ZFHX3: variants seen among roughly 807,000 people sequenced by gnomAD.
ZFHX3 encodes the protein zinc finger homeobox 3, also known as zinc finger homeobox protein 3.
In ZFHX3, 42 loss-of-function variants were observed where a neutral mutation model predicts 279.1. The observed-to-expected ratio is 0.15, with a 90% CI of 0.12 to 0.19. The LOEUF is 0.19. Ranked by LOEUF, ZFHX3 falls within the 10% of genes least tolerant of loss-of-function variation. The probability of loss-of-function intolerance (pLI) is 1.00; values close to 1 mark genes in which losing one functional copy is unlikely to be tolerated. For synonymous variants in ZFHX3, 2,293 were observed against 1,957.8 expected (o/e 1.17, Z -4.52); for missense variants, 4,981 against 4,754.0 (o/e 1.05, Z -1.40).
chr16:73,282,112 G>C (rs1358180040), intron 4 of ZFHX3, among the ~76,000 whole-genome samples: 2 of 152,168 alleles, frequency 1.3e-5, no homozygotes, highest in African/African-American at 2.4e-5. Flanking sequence ...CCAGATATTT[G>C]TTTGCAAAGT....
chr16:72,990,457 C>T (rs570408826), intron 1 of ZFHX3, among the ~76,000 whole-genome samples: 6 of 152,190 alleles, frequency 3.9e-5, no homozygotes, highest in South Asian at 4.2e-4. Flanking sequence ...TTGAAGCGGG[C>T]GGGAGAGAGC....
chr16:73,280,411 A>G (rs1318257751), intron 4 of ZFHX3, among the ~76,000 whole-genome samples: 1 of 152,214 alleles, frequency 6.6e-6, no homozygotes, highest in Admixed American at 6.5e-5. Context: ...ATAGCAAAAA[A>G]ATGCACAAAT....
intron 1 of ZFHX3, among the ~76,000 whole-genome samples, chr16:73,862,050 C>T (rs1291955425): frequency 5.9e-5 from 9 of 152,152 alleles, no homozygotes; most frequent in Admixed American, 4.6e-4. Context: ...TCCTAGCTGC[C>T]CCTGTAATTT....
chr16:73,111,735 AGAGG>A (rs1235567985), intron 7 of ZFHX3, among the ~76,000 whole-genome samples: 1 of 151,582 alleles, frequency 6.6e-6, no homozygotes, highest in African/African-American at 2.4e-5. Flanking sequence ...AGAAAAGGAC[AGAGG>A]GAGGGAGGAA....
In ZFHX3 at chr16:72,889,654, C is replaced by A. The variant is rs934912197; in HGVS notation, c.3448+77G>T. ...CTGGATCAGTAACGTCTCCCTCAAACAGAAGTCCTCTGGAGGTCTCAAGGA... is the reference window on the plus strand; with the variant it reads ...CTGGATCAGTAACGTCTCCCTCAAAAAGAAGTCCTCTGGAGGTCTCAAGGA... On this transcript the variant is annotated intron_variant, in intron 4 of 9. Coordinates refer to ENST00000268489, the MANE Select transcript of ZFHX3 (RefSeq NM_006885.4). The A allele has an allele frequency of 5.7e-6, 8 of 1,408,764 alleles. No homozygotes were observed. The African/African-American group carries it at 1.0e-4, about 18-fold the overall frequency. 87.3% of individuals were successfully genotyped at this position (1,408,764 alleles called of 1,614,324 possible). A position where few individuals can be genotyped will look rare whatever the true frequency, so the allele number is the denominator to read the frequency against.
At chr16:73,839,415 G>T (rs1961240499) in intron 1 of ZFHX3, among the ~76,000 whole-genome samples, 1 of 143,098 alleles carries the variant, frequency 7.0e-6, no homozygotes, top group East Asian at 2.2e-4. Context: ...GGAGTATTTG[G>T]TATACCTTTT....
chr16:72,943,931 T>G (rs1422704671), intron 3 of ZFHX3, among the ~76,000 whole-genome samples: 1 of 152,216 alleles, frequency 6.6e-6, no homozygotes, highest in African/African-American at 2.4e-5. Context: ...AGTATCTACA[T>G]GTACTGACCT....
At chr16:72,943,145 T>C (rs1567596335) in intron 3 of ZFHX3, among the ~76,000 whole-genome samples, 1 of 152,206 alleles carries the variant, frequency 6.6e-6, no homozygotes, top group Non-Finnish European at 1.5e-5. Context: ...ATTTAAGCAA[T>C]CGTTGTACAG....
intron 5 of ZFHX3, among the ~76,000 whole-genome samples, chr16:73,198,646 A>C (rs1380515235): frequency 6.6e-6 from 1 of 152,124 alleles, no homozygotes. Flanking sequence ...TCCTTTTCCT[A>C]TATCTAGACC....
chr16:73,393,606 C>A (rs574118119), intron 3 of ZFHX3, among the ~76,000 whole-genome samples: 3 of 152,254 alleles, frequency 2.0e-5, no homozygotes, highest in South Asian at 2.1e-4. Flanking sequence ...TTCCTTCTCA[C>A]GTGAATCTTC....
At chr16:73,211,187 C>G (rs991580758) in intron 5 of ZFHX3, among the ~76,000 whole-genome samples, 1 of 152,108 alleles carries the variant, frequency 6.6e-6, no homozygotes, top group African/African-American at 2.4e-5. Context: ...TGCCTTAAAG[C>G]CCCCCAACTT....
chr16:72,798,836 C>A, intron 8 of ZFHX3, 122 bp from the exon 9 acceptor site: 1 of 1,420,604 alleles, frequency 7.0e-7, no homozygotes. Flanking sequence ...GAGGGAAGTG[C>A]CCAACCTGAA....
chr16:73,308,275 A>ATATT (rs1437076517), intron 4 of ZFHX3, among the ~76,000 whole-genome samples: 263 of 67,528 alleles, frequency 3.9e-3, no homozygotes, highest in East Asian at 0.022. Flanking sequence ...ATATATATAT[A>ATATT]TATTTATTTA....
intron 1 of ZFHX3, among the ~76,000 whole-genome samples, chr16:73,766,536 C>T (rs546756409): frequency 4.6e-5 from 7 of 152,314 alleles, no homozygotes; most frequent in Admixed American, 3.9e-4. Context: ...GCATCCTATC[C>T]TAGCAAGTAT....
chr16:73,731,526 T>G (rs969781248), intron 1 of ZFHX3, among the ~76,000 whole-genome samples: 1 of 152,130 alleles, frequency 6.6e-6, no homozygotes, highest in Admixed American at 6.5e-5. Context: ...CTGCAAAGTG[T>G]TATTGTGATC....
intron 1 of ZFHX3, among the ~76,000 whole-genome samples, chr16:73,813,182 C>T (rs1038443473): frequency 2.0e-5 from 3 of 152,118 alleles, no homozygotes; most frequent in Non-Finnish European, 4.4e-5. Context: ...TCTCTGTCTT[C>T]TCTCTCCTCA....
At chr16:73,867,664 GA>G (rs1214369277) in intron 1 of ZFHX3, among the ~76,000 whole-genome samples, 3 of 152,172 alleles carry the variant, frequency 2.0e-5, no homozygotes, top group African/African-American at 7.2e-5. Context: ...TGTTTAGTAA[GA>G]AGGTATAGTG....
At chr16:73,057,912 G>C (rs1360178981) in intron 1 of ZFHX3, among the ~76,000 whole-genome samples, 2 of 148,432 alleles carry the variant, frequency 1.3e-5, no homozygotes. Context: ...CGACTGCTCC[G>C]GGCCGGGTGC....
intron 3 of ZFHX3, among the ~76,000 whole-genome samples, chr16:73,373,740 T>C (rs78934519): frequency 0.064 from 9,750 of 152,212 alleles, 1,056 homozygotes; most frequent in African/African-American, 0.22. Flanking sequence ...GGTTCAGAAA[T>C]TTACAAAGAG....
Sources: gnomAD v4.1 joint callset for allele counts (sites outside exome capture counted in the v4.1 genomes callset) on GRCh38, gnomAD v4.1.1 for gene constraint, MANE v1.5 for transcripts, NCBI Gene and HGNC (gene_info 2026-07-23, HGNC 2026-07-21) for gene names.